Variants in FAT1 observed in about 807,000 individuals in gnomAD.
FAT1 encodes protocadherin Fat 1.
In FAT1, 171 loss-of-function variants were observed where a neutral mutation model predicts 329.8. The observed-to-expected ratio is 0.52, with a 90% CI of 0.46 to 0.59. The LOEUF is 0.59. FAT1 is among the 20% of genes least tolerant of loss of function. The pLI is 0.00. For synonymous variants in FAT1, 2,233 were observed against 2,228.6 expected, an observed-to-expected ratio of 1.00 and a Z score of -0.06; for missense variants, 5,672 against 5,774.4, an observed-to-expected ratio of 0.98 and a Z score of 0.57.
chr4:186,597,817 T>A (rs763551872), intron 23 of FAT1, 25 bp from the exon 24 acceptor site: 3 of 1,599,400 alleles, frequency 1.9e-6, no homozygotes, highest in Admixed American at 1.7e-5. Flanking sequence ...GAAACAGACA[T>A]AAACCTCATG....
In FAT1 at chr4:186,618,377, G is replaced by C. The variant is rs751676426; in HGVS notation, c.8209C>G (p.Leu2737Val). ...AEHSGTVLYS[L>V]VKGNTPESNR... ...CTTTCTGGAGTATTCCCTTTGACCA[G>C]GCTGTAAAGAACAGTCCCACTATGT... Residue 2737 changes from leucine (L) to valine (V), a missense_variant, in exon 10 of 27, where the codon CTG becomes GTG. Around this residue, in one of 2 missense-constraint regions of FAT1, gnomAD observed 3,966 missense variants for 3,915.2 expected, o/e 1.01. Transcript: ENST00000441802. 6.2e-7 allele frequency: 1 copy of C among 1,613,998 alleles called. No homozygotes were observed. The highest frequency in any genetic ancestry group is 8.5e-7 in the Non-Finnish European group (1 of 1,179,904).
intron 3 of FAT1, among the ~76,000 whole-genome samples, chr4:186,651,784 G>A (rs1047521208): frequency 1.3e-5 from 2 of 152,146 alleles, no homozygotes; most frequent in Non-Finnish European, 2.9e-5. Context: ...TCAGAGCTCT[G>A]GACTGTGAGC....
chr4:186,669,557 G>C (rs374564929), intron 2 of FAT1, among the ~76,000 whole-genome samples: 2 of 152,122 alleles, frequency 1.3e-5, no homozygotes, highest in African/African-American at 4.8e-5. Context: ...TCCGAAAGAA[G>C]CCGGAAATTT....
rs375293079 is a variant in FAT1 at position 186,620,564 on chromosome 4, T to C, written c.6022A>G (p.Ile2008Val). ...LAVITAIGNPINEPLFYHILN... is the reference protein window; with the variant it reads ...LAVITAIGNPVNEPLFYHILN... ...ATGTGATAAAACAAAGGCTCATTGATTGGATTCCCAATAGCAGTAATGACA... is the reference window on the plus strand; with the variant it reads ...ATGTGATAAAACAAAGGCTCATTGACTGGATTCCCAATAGCAGTAATGACA... Residue 2008 changes from isoleucine to valine, a missense_variant, in exon 10 of 27, where the codon ATC becomes GTC. Physicochemically the swap from Ile to Val is conservative, Grantham distance 29 (BLOSUM62 3). This residue lies in a region of FAT1 where 3,966 missense variants were observed against 3,915.2 expected (regional missense o/e 1.01). Coordinates refer to ENST00000441802, the MANE Select transcript of FAT1 (RefSeq NM_005245.4). 5.6e-6 allele frequency: 9 copies of C among 1,613,908 alleles called. No individual in the cohort carries two copies. The Admixed American group carries it at 8.3e-5, about 15-fold the overall frequency.
chr4:186,601,609 T>TG (rs1243842461), intron 20 of FAT1, 183 bp from the exon 21 acceptor site: 6 of 454,622 alleles, frequency 1.3e-5, no homozygotes, highest in Non-Finnish European at 2.3e-5. Context: ...ACTGGCTCTC[T>TG]GTTTGGAAAG....
At chr4:186,689,415 C>T (rs1395116595) in intron 2 of FAT1, among the ~76,000 whole-genome samples, 3 of 152,188 alleles carry the variant, frequency 2.0e-5, no homozygotes, top group Non-Finnish European at 4.4e-5. Context: ...TTTGCATTCA[C>T]ATCCAATGAC....
intron 1 of FAT1, among the ~76,000 whole-genome samples, chr4:186,712,664 T>C (rs1745013531): frequency 6.6e-6 from 1 of 152,122 alleles, no homozygotes; most frequent in Admixed American, 6.5e-5. Context: ...GAGGGAACCC[T>C]AAATCCAAAG....
Position 186,707,825 on chromosome 4 carries a change from T to C in FAT1, c.2003A>G (p.Lys668Arg), listed in dbSNP as rs1445262177. 1.9e-6 allele frequency: 3 copies of C among 1,613,800 alleles called. No homozygotes were observed. Among genetic ancestry groups the C allele is most frequent in the Admixed American group, 1.7e-5 (1 of 60,028 alleles). Residue 668 changes from lysine (K) to arginine (R), a missense_variant, in exon 2 of 27, where the codon AAG becomes AGG. This residue lies in a region of FAT1 where 3,966 missense variants were observed against 3,915.2 expected (regional missense o/e 1.01). Coordinates refer to ENST00000441802, the MANE Select transcript of FAT1 (RefSeq NM_005245.4). ...YINITVAASH[K>R]LVNLQCEETG... is the part of the protein sequence containing the mutation. ...CTCTTCACACTGCAAGTTTACCAGC[T>C]TGTGACTGGCAGCCACTGTTATGTT...
At position 186,596,490 on chromosome 4, in the gene FAT1, C is replaced by T. The variant is rs2126385481; in HGVS notation, c.13000+50G>A. The T allele has an allele frequency of 6.4e-7, 1 of 1,560,252 alleles. No homozygotes were observed. Among genetic ancestry groups the T allele is most frequent in the Non-Finnish European group, 8.7e-7 (1 of 1,153,284 alleles). ...TTTGACTGGACAGAATTTGTAACCT[C>T]ACTGTTTATCTCAAGTGACACTTTA... On this transcript the variant is annotated intron_variant, in intron 25 of 26. Transcript: ENST00000441802. The surrounding 1 kb of genome is among the most constrained non-coding windows in gnomAD (Gnocchi z 4.7).
intron 12 of FAT1, 146 bp downstream of exon 12, chr4:186,614,045 T>C (rs962990269): frequency 1.4e-4 from 89 of 630,764 alleles, no homozygotes; most frequent in Non-Finnish European, 9.1e-5. Context: ...GCTGGTAAGA[T>C]TTCTAAGAGA....
At position 186,597,716 on chromosome 4, in the gene FAT1, C is replaced by G. The variant is rs767305041; in HGVS notation, c.12334G>C (p.Val4112Leu). ...GTCFDSLDGA[V>L]CQCDSGFRGE... Reference sequence around the variant, plus strand: ...CTAAAACCCGAATCACACTGACAAACGGCGCCATCCAAACTGTCAAAGCAT... The same window carrying G: ...CTAAAACCCGAATCACACTGACAAAGGGCGCCATCCAAACTGTCAAAGCAT... Residue 4112 changes from valine to leucine, a missense_variant, in exon 24 of 27, where the codon GTT becomes CTT. Around this residue, in one of 2 missense-constraint regions of FAT1, gnomAD observed 1,706 missense variants for 1,859.1 expected, o/e 0.92. Coordinates refer to ENST00000441802, the MANE Select transcript of FAT1 (RefSeq NM_005245.4). The G allele has an allele frequency of 1.2e-6, 2 of 1,613,898 alleles. No individual in the cohort carries two copies. The highest frequency in any genetic ancestry group is 2.2e-5 in the South Asian group (2 of 91,072).
rs375582320 is a variant in FAT1 at position 186,636,666 on chromosome 4, A to G, written c.3891T>C (p.His1297=). ...TTTTCGGTTCGATGAAAAATTTGCCATGCTCATTCCCGTCTTCGATGCTGT... is the reference window on the plus strand; with the variant it reads ...TTTTCGGTTCGATGAAAAATTTGCCGTGCTCATTCCCGTCTTCGATGCTGT... ...ISYSIEDGNE[H]GKFFIEPKTG... The change falls in exon 5 of 27, where the codon CAT becomes CAC. Residue 1297 remains histidine, a synonymous_variant. Coordinates refer to ENST00000441802, the MANE Select transcript of FAT1 (RefSeq NM_005245.4). 2.5e-6 allele frequency: 4 copies of G among 1,613,884 alleles called. No individual in the cohort carries two copies. Among genetic ancestry groups the G allele is most frequent in the Non-Finnish European group, 3.4e-6 (4 of 1,179,882 alleles).
chr4:186,636,076 C>G lies in FAT1; in HGVS notation c.4132G>C (p.Gly1378Arg). 1 of 1,613,962 alleles carries G rather than the reference C, an allele frequency of 6.2e-7. No individual in the cohort carries two copies. Among genetic ancestry groups the G allele is most frequent in the Non-Finnish European group, 8.5e-7 (1 of 1,179,890 alleles). Residue 1378 changes from glycine (G) to arginine (R), a missense_variant, in exon 6 of 27, where the codon GGA (glycine) becomes CGA (arginine). Physicochemically the swap from Gly to Arg is moderately radical, Grantham distance 125 (BLOSUM62 -2). Transcript: ENST00000441802. The part of the protein sequence containing the change: ...MESDPVAHMI[G>R]VISVEPPGIP... ...CCAGGAGGCTCCACAGATATTACTC[C>G]AATCATGTGAGCAACGGGGTCACTT...
At chr4:186,623,772 C>A (rs1299137555) in intron 9 of FAT1, among the ~76,000 whole-genome samples, 1 of 152,186 alleles carries the variant, frequency 6.6e-6, no homozygotes. Flanking sequence ...AGTCTCCTCC[C>A]GCTATTCTTA....
chr4:186,589,397 T>G (rs1365552653), intron 26 of FAT1, among the ~76,000 whole-genome samples, 177 bp from the exon 27 acceptor site: 3 of 152,188 alleles, frequency 2.0e-5, no homozygotes, highest in African/African-American at 7.2e-5. Context: ...CACTCCAGTT[T>G]AAAGACCCCT....
intron 2 of FAT1, among the ~76,000 whole-genome samples, chr4:186,682,315 T>C (rs1441255159): frequency 6.6e-6 from 1 of 152,062 alleles, no homozygotes; most frequent in African/African-American, 2.4e-5. Flanking sequence ...TCACCTGAGG[T>C]CAGGAGTTCG....
intron 9 of FAT1, among the ~76,000 whole-genome samples, chr4:186,626,494 T>C (rs1477857529): frequency 1.6e-5 from 2 of 124,868 alleles, no homozygotes; most frequent in African/African-American, 6.1e-5. Flanking sequence ...CTGAGCTTCA[T>C]CAGCCTACAG....
intron 2 of FAT1, among the ~76,000 whole-genome samples, chr4:186,677,587 T>C (rs922349933): frequency 2.0e-5 from 3 of 152,056 alleles, no homozygotes; most frequent in Non-Finnish European, 4.4e-5. Flanking sequence ...CCTGTATGTA[T>C]CAGGATTCTA....
chr4:186,722,349 G>A (rs1454739708), intron 1 of FAT1, among the ~76,000 whole-genome samples: 1 of 152,142 alleles, frequency 6.6e-6, no homozygotes, highest in Non-Finnish European at 1.5e-5. Flanking sequence ...TTCAAAAAAT[G>A]GTTATACAAA....
Sources: allele counts gnomAD v4.1 joint callset (sites outside exome capture counted in the v4.1 genomes callset), GRCh38; gene constraint gnomAD v4.1.1; regional missense constraint gnomAD v4.1.1; non-coding constraint Gnocchi (gnomAD v3.1); transcripts MANE v1.5; gene names NCBI Gene and HGNC (gene_info 2026-07-23, HGNC 2026-07-21).